PTP4A3: variants seen among roughly 807,000 people sequenced by gnomAD.
PTP4A3 encodes the protein protein tyrosine phosphatase type IVA 3.
PTP4A3 carries 9 observed loss-of-function variants against 15.2 expected under a neutral mutation model. The observed-to-expected ratio is 0.59, with a 90% CI of 0.36 to 1.03. The LOEUF (loss-of-function observed/expected upper bound fraction) is 1.03, where lower values mean the gene tolerates loss of function less well. PTP4A3 is among the 50% of genes least tolerant of loss of function. The pLI, the probability that PTP4A3 is intolerant of heterozygous loss-of-function variation, is 0.02. For missense variants in PTP4A3, 234 were observed against 252.1 expected (o/e 0.93, Z 0.49); for synonymous variants, 95 against 102.0 (o/e 0.93, Z 0.41).
At chr8:141,405,885 G>A (rs73713623) in intron 1 of PTP4A3, among the ~76,000 whole-genome samples, 1,790 of 152,250 alleles carry the variant, frequency 0.012, 39 homozygotes, top group African/African-American at 0.041. Context: ...CACAGGCAGT[G>A]CAAGGGCTCG....
At chr8:141,401,647 C>A (rs1213241005) in intron 1 of PTP4A3, among the ~76,000 whole-genome samples, 1 of 152,198 alleles carries the variant, frequency 6.6e-6, no homozygotes, top group Non-Finnish European at 1.5e-5. Context: ...CCCTGGCCTC[C>A]CTGGCAGGAA....
At chr8:141,410,990 G>T (rs1832854231) in intron 1 of PTP4A3, among the ~76,000 whole-genome samples, 1 of 152,188 alleles carries the variant, frequency 6.6e-6, no homozygotes. Context: ...GGAAGGCCAA[G>T]ACCCAGGGTA....
intron 1 of PTP4A3, among the ~76,000 whole-genome samples, chr8:141,402,785 G>A (rs901064213): frequency 1.4e-5 from 2 of 146,550 alleles, no homozygotes; most frequent in African/African-American, 2.5e-5. Flanking sequence ...ACTCATGATC[G>A]TCTTGAGTAA....
intron 1 of PTP4A3, among the ~76,000 whole-genome samples, chr8:141,408,834 C>A (rs976555220): frequency 2.0e-5 from 3 of 152,170 alleles, no homozygotes; most frequent in Non-Finnish European, 4.4e-5. Context: ...TGGCACCCAC[C>A]CAGGGCTCAG....
At chr8:141,430,189 A>T (rs1431296162) in intron 5 of PTP4A3, among the ~76,000 whole-genome samples, 2 of 147,910 alleles carry the variant, frequency 1.4e-5, no homozygotes, top group Non-Finnish European at 3.0e-5. Flanking sequence ...CCCCGCTGTA[A>T]GGACCAGGTG....
Position 141,431,016 on chromosome 8 carries a change from C to G in PTP4A3, c.494C>G (p.Thr165Arg), listed in dbSNP as rs140223999. 2 of 1,613,270 alleles carry G rather than the reference C, an allele frequency of 1.2e-6. No homozygotes were observed. The highest frequency in any genetic ancestry group is 1.7e-6 in the Non-Finnish European group (2 of 1,179,940). ...KQRLRFKDPH[T>R]HKTRCCVM is the part of the protein sequence containing the mutation. ...AGGCTGCGGTTCAAAGACCCACACA[C>G]GCACAAGACCCGGTGCTGCGTTATG... The change falls in exon 6 of 6, where the codon ACG becomes AGG. Residue 165 changes from threonine (T) to arginine (R), a missense_variant. Thr to Arg is a moderately conservative substitution (Grantham distance 71, BLOSUM62 -1). Transcript: ENST00000521578.
chr8:141,431,082 A>T lies in PTP4A3; in HGVS notation c.*38A>T. ...GCTGGGCCTGGTCGTCATGTAGGTC[A>T]GGACCTTGGCTGGACCTGGAGGCCC... On this transcript the variant is annotated 3_prime_UTR_variant, in exon 6 of 6. Coordinates refer to ENST00000521578, the MANE Select transcript of PTP4A3 (RefSeq NM_032611.3). 2 of 1,597,302 alleles carry T rather than the reference A, an allele frequency of 1.3e-6. No homozygotes were observed. The highest frequency in any genetic ancestry group is 1.1e-5 in the South Asian group (1 of 90,768).
At chr8:141,407,942 T>A (rs1309164260) in intron 1 of PTP4A3, among the ~76,000 whole-genome samples, 3 of 152,098 alleles carry the variant, frequency 2.0e-5, no homozygotes, top group Non-Finnish European at 4.4e-5. Context: ...TTAGCGTTAG[T>A]GTATTTTATG....
At position 141,422,221 on chromosome 8, in the gene PTP4A3, C is replaced by G; in HGVS notation, c.-20C>G. The G allele has an allele frequency of 6.2e-7, 1 of 1,612,502 alleles. No homozygotes were observed. The highest frequency in any genetic ancestry group is 8.5e-7 in the Non-Finnish European group (1 of 1,179,714). On this transcript the variant is annotated 5_prime_UTR_variant, in exon 2 of 6. Transcript: ENST00000521578. Reference sequence around the variant, plus strand: ...TTCTCTGCAGTCCCTTCTGCCCTGCCGGGCCCGTCGGGAGGCGCCATGGCT... The same window carrying G: ...TTCTCTGCAGTCCCTTCTGCCCTGCGGGGCCCGTCGGGAGGCGCCATGGCT...
At chr8:141,416,781 C>T (rs759946354) in intron 1 of PTP4A3, among the ~76,000 whole-genome samples, 1 of 151,360 alleles carries the variant, frequency 6.6e-6, no homozygotes, top group Admixed American at 6.6e-5. Context: ...TGGGAGGAGG[C>T]GAGGGTTGCC....
In PTP4A3 at chr8:141,425,920, C is replaced by T. The variant is rs1833557532; in HGVS notation, c.198+780C>T. Among the ~76,000 whole-genome samples the T allele has an allele frequency of 6.6e-6, 1 of 152,202 alleles. No homozygotes were observed. The highest frequency in any genetic ancestry group is 1.5e-5 in the Non-Finnish European group (1 of 68,014). On this transcript the variant is annotated intron_variant, in intron 3 of 5. Coordinates refer to ENST00000521578, the MANE Select transcript of PTP4A3 (RefSeq NM_032611.3). The surrounding 1 kb of genome is among the most constrained non-coding windows in gnomAD (Gnocchi z 4.2). Reference sequence around the variant, plus strand: ...TGCCCTCCCCAGCCTTGCGACCCTGCAGGTCACTCCGAGCCTTGGGTTCCT... The same window carrying T: ...TGCCCTCCCCAGCCTTGCGACCCTGTAGGTCACTCCGAGCCTTGGGTTCCT...
At chr8:141,402,645 G>C (rs1295514621) in intron 1 of PTP4A3, among the ~76,000 whole-genome samples, 8 of 152,094 alleles carry the variant, frequency 5.3e-5, no homozygotes, top group Non-Finnish European at 1.5e-5. Flanking sequence ...ACATGGGGAG[G>C]CTGAGGATTG....
intron 2 of PTP4A3, among the ~76,000 whole-genome samples, chr8:141,423,877 G>A (rs1329702395): frequency 1.3e-5 from 2 of 151,560 alleles, no homozygotes; most frequent in African/African-American, 4.9e-5. Context: ...ATCAAGGCTC[G>A]GTATGTGACC....
Position 141,431,015 on chromosome 8 carries a change from A to G in PTP4A3, c.493A>G (p.Thr165Ala), listed in dbSNP as rs1563743999. 6.2e-7 allele frequency: 1 copy of G among 1,613,220 alleles called. No homozygotes were observed. The highest frequency in any genetic ancestry group is 8.5e-7 in the Non-Finnish European group (1 of 1,179,926). Reference protein sequence around the residue: ...KQRLRFKDPHTHKTRCCVM With the variant: ...KQRLRFKDPHAHKTRCCVM Reference sequence around the variant, plus strand: ...GAGGCTGCGGTTCAAAGACCCACACACGCACAAGACCCGGTGCTGCGTTAT... The same window carrying G: ...GAGGCTGCGGTTCAAAGACCCACACGCGCACAAGACCCGGTGCTGCGTTAT... Residue 165 changes from threonine to alanine, a missense_variant, in exon 6 of 6, where the codon ACG becomes GCG. Transcript: ENST00000521578.
intron 1 of PTP4A3, among the ~76,000 whole-genome samples, chr8:141,404,026 C>T (rs1832664685): frequency 6.6e-6 from 1 of 152,268 alleles, no homozygotes; most frequent in Admixed American, 6.5e-5. Context: ...GACACCATCC[C>T]CTCTCGGGGC....
At chr8:141,430,815 C>T in intron 5 of PTP4A3, 112 bp from the exon 6 acceptor site, 1 of 1,001,110 alleles carries the variant, frequency 1.0e-6, no homozygotes, top group African/African-American at 1.6e-5. Flanking sequence ...GCTTGGCCAG[C>T]CTCAAGGCCT....
chr8:141,403,440 G>A (rs1832647563), intron 1 of PTP4A3, among the ~76,000 whole-genome samples: 1 of 152,204 alleles, frequency 6.6e-6, no homozygotes. Context: ...TCCTGGGCAT[G>A]GTGTACAGTA....
At position 141,431,111 on chromosome 8, in the gene PTP4A3, C is replaced by G. The variant is rs769195597; in HGVS notation, c.*67C>G. ...CCTTGGCTGGACCTGGAGGCCCTGCCCAGCCCTGCTCTGCCCAGCCCAGCA... is the reference window on the plus strand; with the variant it reads ...CCTTGGCTGGACCTGGAGGCCCTGCGCAGCCCTGCTCTGCCCAGCCCAGCA... On this transcript the variant is annotated 3_prime_UTR_variant, in exon 6 of 6. Transcript: ENST00000521578. 6.6e-7 allele frequency: 1 copy of G among 1,505,180 alleles called. No individual in the cohort carries two copies. Among genetic ancestry groups the G allele is most frequent in the African/African-American group, 1.4e-5 (1 of 72,542 alleles). The allele number at this position is 1,505,180 out of a possible 1,614,324, so 93.2% of individuals were successfully genotyped here. A position where few individuals can be genotyped will look rare whatever the true frequency, so the allele number is the denominator to read the frequency against.
At chr8:141,422,429 G>C in intron 2 of PTP4A3, 84 bp downstream of exon 2, 2 of 1,479,606 alleles carry the variant, frequency 1.4e-6, no homozygotes, top group Non-Finnish European at 9.4e-7. Flanking sequence ...TCGCAAGAGG[G>C]GTCCCCAGCC....
Sources: gnomAD v4.1 joint callset for allele counts (sites outside exome capture counted in the v4.1 genomes callset) on GRCh38, gnomAD v4.1.1 for gene constraint, Gnocchi (gnomAD v3.1) non-coding constraint, MANE v1.5 for transcripts, NCBI Gene and HGNC (gene_info 2026-07-23, HGNC 2026-07-21) for gene names.